Variants in BARHL1 observed in about 807,000 individuals in gnomAD.
BARHL1 encodes barH-like 1 homeobox protein.
BARHL1 carries 2 observed loss-of-function variants against 20.1 expected under a neutral mutation model. The observed-to-expected ratio is 0.10, with a 90% CI of 0.04 to 0.31. The LOEUF is 0.31. BARHL1 is among the 10% of genes least tolerant of loss of function. The pLI is 1.00. For synonymous variants in BARHL1, 213 were observed against 209.9 expected (o/e 1.01, Z -0.13); for missense variants, 397 against 454.0 (o/e 0.87, Z 1.14).
chr9:132,587,265 C>T lies in BARHL1; in HGVS notation c.467-64C>T. 1 of 1,428,504 alleles carries T rather than the reference C, an allele frequency of 7.0e-7. No homozygotes were observed. Among genetic ancestry groups the T allele is most frequent in the East Asian group, 2.4e-5 (1 of 40,900 alleles). The allele number at this position is 1,428,504 out of a possible 1,614,324, so 88.5% of individuals were successfully genotyped here. On this transcript the variant is annotated intron_variant, in intron 1 of 2. Transcript: ENST00000263610. This position sits in a 1 kb window ranked among gnomAD's most constrained non-coding sequence, Gnocchi z 5.5. Reference sequence around the variant, plus strand: ...GCCGAGGTTACACAAACGCCACGGGCAGGAGCGGGAGGGCACCGGCGGCGG... The same window carrying T: ...GCCGAGGTTACACAAACGCCACGGGTAGGAGCGGGAGGGCACCGGCGGCGG...
chr9:132,584,933 G>A (rs888478389), intron 1 of BARHL1, among the ~76,000 whole-genome samples: 30 of 152,186 alleles, frequency 2.0e-4, no homozygotes, highest in African/African-American at 6.8e-4. Context: ...TTTACCATTT[G>A]CAACAAGAAC....
At chr9:132,584,160 A>AG (rs1564260249) in intron 1 of BARHL1, among the ~76,000 whole-genome samples, 7 of 151,700 alleles carry the variant, frequency 4.6e-5, no homozygotes, top group African/African-American at 1.7e-4. Flanking sequence ...GAAGGAAGGA[A>AG]GGAAGGAAGG....
rs983640286 is a variant in BARHL1 at position 132,582,742 on chromosome 9, G to C, written c.-56G>C. On this transcript the variant is annotated 5_prime_UTR_variant, in exon 1 of 3. Transcript: ENST00000263610. Reference sequence around the variant, plus strand: ...CGCAGCTAGGGGCAGGGGCAGCGGCGGCTGGGGTTGGGGGTGGGTGGGGAG... The same window carrying C: ...CGCAGCTAGGGGCAGGGGCAGCGGCCGCTGGGGTTGGGGGTGGGTGGGGAG... The C allele has an allele frequency of 6.4e-5, 92 of 1,446,386 alleles. No homozygotes were observed. The highest frequency in any genetic ancestry group is 7.5e-5 in the Non-Finnish European group (80 of 1,071,088). The allele number at this position is 1,446,386 out of a possible 1,614,324, so 89.6% of individuals were successfully genotyped here.
rs1169620059 is a variant in BARHL1 at position 132,583,262 on chromosome 9, A to G, written c.465A>G (p.Lys155=). The part of the protein sequence containing the change: ...GSNASSDSEY[K]VKEEGDREIS... ...ACGCCTCATCGGACTCTGAGTATAA[A>G]GGTAAGAAAGCAGGAGGTGAAAACT... is the stretch of plus-strand genomic sequence containing the variant. The change falls in exon 1 of 3, where the codon AAA becomes AAG. Residue 155 remains lysine, a splice_region_variant and synonymous_variant. Transcript: ENST00000263610. 2 of 1,599,656 alleles carry G rather than the reference A, an allele frequency of 1.3e-6. No homozygotes were observed. Among genetic ancestry groups the G allele is most frequent in the Admixed American group, 1.7e-5 (1 of 58,398 alleles).
Position 132,589,142 on chromosome 9 carries a change from C to A in BARHL1, c.690-86C>A, listed in dbSNP as rs75798654. The A allele has an allele frequency of 1.1e-3, 1,695 of 1,514,298 alleles. 21 individuals are homozygous for A. The African/African-American group carries it at 0.022, about 20-fold the overall frequency. 93.8% of individuals were successfully genotyped at this position (1,514,298 alleles called of 1,614,324 possible). A position where few individuals can be genotyped will look rare whatever the true frequency, so the allele number is the denominator to read the frequency against. On this transcript the variant is annotated intron_variant, in intron 2 of 2. Transcript: ENST00000263610. ...CGATCCCTCTTGGCCTCCCTACAGG[C>A]TCTCTGGGCCAAGCAGTGGGGAGGG...
chr9:132,584,466 T>G (rs1236224131), intron 1 of BARHL1, among the ~76,000 whole-genome samples: 3 of 151,752 alleles, frequency 2.0e-5, no homozygotes, highest in African/African-American at 7.3e-5. Flanking sequence ...TTTATTGTCT[T>G]GCCCCCTCCC....
chr9:132,585,317 A>G (rs1830130015), intron 1 of BARHL1, among the ~76,000 whole-genome samples: 1 of 152,146 alleles, frequency 6.6e-6, no homozygotes, highest in Non-Finnish European at 1.5e-5. Flanking sequence ...TTCAGAGCTG[A>G]GAAACAGACA....
chr9:132,586,607 G>T (rs559915876), intron 1 of BARHL1, among the ~76,000 whole-genome samples: 2 of 152,368 alleles, frequency 1.3e-5, no homozygotes, highest in African/African-American at 4.8e-5. Flanking sequence ...ACAACGGAAC[G>T]CAGACCTGGG....
At chr9:132,586,910 C>T (rs183467346) in intron 1 of BARHL1, among the ~76,000 whole-genome samples, 1 of 152,262 alleles carries the variant, frequency 6.6e-6, no homozygotes, top group African/African-American at 2.4e-5. Flanking sequence ...CGGACGCAGC[C>T]GGAGAAACTG....
At chr9:132,585,415 G>A (rs1017364493) in intron 1 of BARHL1, among the ~76,000 whole-genome samples, 1 of 152,202 alleles carries the variant, frequency 6.6e-6, no homozygotes, top group Admixed American at 6.5e-5. Flanking sequence ...GGGCATGGGG[G>A]AAGGTCAGCC....
At position 132,582,927 on chromosome 9, in the gene BARHL1, A is replaced by G. The variant is rs1251373635; in HGVS notation, c.130A>G (p.Ser44Gly). The G allele has an allele frequency of 2.5e-6, 4 of 1,613,332 alleles. No individual in the cohort carries two copies. The highest frequency in any genetic ancestry group is 3.4e-6 in the Non-Finnish European group (4 of 1,179,938). The change falls in exon 1 of 3, where the codon AGC becomes GGC. Residue 44 changes from serine to glycine, a missense_variant. Around this residue, in one of 3 missense-constraint regions of BARHL1, gnomAD observed 272 missense variants for 298.7 expected, o/e 0.91. Coordinates refer to ENST00000263610, the MANE Select transcript of BARHL1 (RefSeq NM_020064.4). Reference protein sequence around the residue: ...SPLELSPRSESSSDCSSPASP... With the variant: ...SPLELSPRSEGSSDCSSPASP... ...CCTGGAGCTGAGTCCACGCTCAGAG[A>G]GCAGCAGCGACTGCTCTTCGCCAGC...
intron 1 of BARHL1, among the ~76,000 whole-genome samples, chr9:132,585,338 G>T (rs1346154884): frequency 6.6e-6 from 1 of 152,196 alleles, no homozygotes; most frequent in African/African-American, 2.4e-5. Context: ...CCCTGAGCCA[G>T]TCCGTGGAGC....
Position 132,587,282 on chromosome 9 carries a change from C to T in BARHL1, c.467-47C>T, listed in dbSNP as rs565409480. On this transcript the variant is annotated intron_variant, in intron 1 of 2. Coordinates refer to ENST00000263610, the MANE Select transcript of BARHL1 (RefSeq NM_020064.4). The surrounding 1 kb of genome is among the most constrained non-coding windows in gnomAD (Gnocchi z 5.5). ...GCCACGGGCAGGAGCGGGAGGGCAC[C>T]GGCGGCGGCTGCGAGGCCGGGCCCT... The T allele has an allele frequency of 2.6e-5, 39 of 1,516,510 alleles. No homozygotes were observed. The African/African-American group carries it at 4.3e-4, about 17-fold the overall frequency. The allele number at this position is 1,516,510 out of a possible 1,614,324, so 93.9% of individuals were successfully genotyped here.
At chr9:132,588,400 C>T (rs1830167530) in intron 2 of BARHL1, among the ~76,000 whole-genome samples, 2 of 152,132 alleles carry the variant, frequency 1.3e-5, no homozygotes, top group Admixed American at 6.5e-5. Flanking sequence ...ATTACTGCTC[C>T]GGGCATCAAT....
At chr9:132,583,493 AGAG>A (rs1452425174) in intron 1 of BARHL1, among the ~76,000 whole-genome samples, 1 of 152,188 alleles carries the variant, frequency 6.6e-6, no homozygotes, top group Non-Finnish European at 1.5e-5. Flanking sequence ...TGCGTGCCCG[AGAG>A]GAGATTTCCC....
chr9:132,586,233 A>T (rs1168290066), intron 1 of BARHL1, among the ~76,000 whole-genome samples: 1 of 152,248 alleles, frequency 6.6e-6, no homozygotes, highest in East Asian at 1.9e-4. Flanking sequence ...CCTTGCATTC[A>T]GCTGAACCCC....
intron 2 of BARHL1, among the ~76,000 whole-genome samples, chr9:132,588,008 G>C (rs184386095): frequency 6.6e-6 from 1 of 152,178 alleles, no homozygotes; most frequent in African/African-American, 2.4e-5. Context: ...GGCAGCTGCC[G>C]CAGGGGCCTC....
In BARHL1 at chr9:132,587,702, G is replaced by T. The variant is rs553409662; in HGVS notation, c.689+151G>T. 1.3e-5 allele frequency: 10 copies of T among 761,892 alleles called. No individual in the cohort carries two copies. In the Admixed American group the frequency reaches 2.9e-4, roughly 22 times the overall value. 47.2% of individuals were successfully genotyped at this position (761,892 alleles called of 1,614,324 possible). A position where few individuals can be genotyped will look rare whatever the true frequency, so the allele number is the denominator to read the frequency against. ...AAGTGGGAAACTGAGTCCCTAAGGG[G>T]ACAAGGCCTTGCCCAAAGTCCCCAC... On this transcript the variant is annotated intron_variant, in intron 2 of 2. Transcript: ENST00000263610. This position sits in a 1 kb window ranked among gnomAD's most constrained non-coding sequence, Gnocchi z 5.5.
rs1319800129 is a variant in BARHL1, at chr9:132,583,035, C to T, written c.238C>T (p.Pro80Ser). Residue 80 changes from proline (P) to serine (S), a missense_variant, in exon 1 of 3, where the codon CCC becomes TCC. Physicochemically the swap from Pro to Ser is moderately conservative, Grantham distance 74. This residue lies in a region of BARHL1 where 272 missense variants were observed against 298.7 expected (regional missense o/e 0.91). Coordinates refer to ENST00000263610, the MANE Select transcript of BARHL1 (RefSeq NM_020064.4). ...CCCAGGTTTGGACTCCCACCTGCAG[C>T]CCGGGCAGCTCTCAGCCCCGGCCCA... is the stretch of plus-strand genomic sequence containing the variant. The part of the protein sequence containing the change: ...SGPGLDSHLQ[P>S]GQLSAPAQSR... 1 of 1,613,832 alleles carries T rather than the reference C, an allele frequency of 6.2e-7. No homozygotes were observed. The highest frequency in any genetic ancestry group is 2.2e-5 in the East Asian group (1 of 44,870).
Sources: gnomAD v4.1 joint callset for allele counts (sites outside exome capture counted in the v4.1 genomes callset) on GRCh38, gnomAD v4.1.1 for gene constraint, gnomAD v4.1.1 regional missense constraint, Gnocchi (gnomAD v3.1) non-coding constraint, MANE v1.5 for transcripts, NCBI Gene and HGNC (gene_info 2026-07-23, HGNC 2026-07-21) for gene names.